FBXO28: variants seen among roughly 807,000 people sequenced by gnomAD.
FBXO28 encodes F-box only protein 28.
In FBXO28, 8 loss-of-function variants were observed where a neutral mutation model predicts 38.1. The observed-to-expected ratio is 0.21, with a 90% CI of 0.12 to 0.38. FBXO28 has a LOEUF of 0.38. FBXO28 is among the 10% of genes least tolerant of loss of function. The pLI is 1.00. For synonymous variants in FBXO28, 168 were observed against 173.8 expected, an observed-to-expected ratio of 0.97 and a Z score of 0.26; for missense variants, 345 against 460.6, an observed-to-expected ratio of 0.75 and a Z score of 2.30.
Position 224,157,862 on chromosome 1 carries a change from CAACTTA to C in FBXO28, c.*122_*127del, listed in dbSNP as rs1558199336. On this transcript the variant is annotated 3_prime_UTR_variant, in exon 5 of 5. Transcript: ENST00000366862. ...CTTAAGCTTCTAGGCTTTCAGAACA[CAACTTA>C]AACTTGAACTCTTATGGTTGGGACA... 5.5e-6 allele frequency: 8 copies of C among 1,448,244 alleles called. No individual in the cohort carries two copies. In the African/African-American group the frequency reaches 7.2e-5, roughly 13 times the overall value. 89.7% of individuals were successfully genotyped at this position (1,448,244 alleles called of 1,614,324 possible).
At chr1:224,146,702 A>ATTTTTTTT (rs5781350) in intron 3 of FBXO28, among the ~76,000 whole-genome samples, 1 of 110,322 alleles carries the variant, frequency 9.1e-6, no homozygotes, top group African/African-American at 3.6e-5. Flanking sequence ...TAAAACTAAA[A>ATTTTTTTT]TTTTTTTTTT....
chr1:224,141,186 C>A (rs1464818406), intron 3 of FBXO28, among the ~76,000 whole-genome samples: 1 of 147,334 alleles, frequency 6.8e-6, no homozygotes, highest in African/African-American at 2.5e-5. Flanking sequence ...AAAAAAGATA[C>A]AATCGGCCGG....
intron 1 of FBXO28, among the ~76,000 whole-genome samples, chr1:224,115,132 G>A (rs746247393): frequency 3.3e-5 from 5 of 152,040 alleles, no homozygotes; most frequent in Non-Finnish European, 7.4e-5. Context: ...CCACCCACCT[G>A]CTTTAGGAGA....
chr1:224,148,760 A>G (rs558756076), intron 3 of FBXO28, among the ~76,000 whole-genome samples: 3 of 152,236 alleles, frequency 2.0e-5, no homozygotes, highest in East Asian at 1.9e-4. Context: ...TTGCTATCCT[A>G]TCACCTATCC....
intron 4 of FBXO28, among the ~76,000 whole-genome samples, chr1:224,156,468 T>A (rs574484034): frequency 7.4e-4 from 112 of 152,310 alleles, no homozygotes; most frequent in African/African-American, 2.4e-3. Flanking sequence ...CAGAAGTGTT[T>A]CAGATTTCGG....
intron 1 of FBXO28, among the ~76,000 whole-genome samples, chr1:224,124,552 A>T (rs982891167): frequency 1.3e-5 from 2 of 152,174 alleles, no homozygotes; most frequent in Non-Finnish European, 2.9e-5. Flanking sequence ...GGAAATTATT[A>T]AAATACTCCT....
chr1:224,115,203 T>G (rs1407171620), intron 1 of FBXO28, among the ~76,000 whole-genome samples: 1 of 152,232 alleles, frequency 6.6e-6, no homozygotes, highest in Non-Finnish European at 1.5e-5. Flanking sequence ...ATAATGAATT[T>G]GCCATTGGGG....
At chr1:224,114,995 A>C (rs771069516) in intron 1 of FBXO28, among the ~76,000 whole-genome samples, 4 of 152,144 alleles carry the variant, frequency 2.6e-5, no homozygotes, top group Non-Finnish European at 4.4e-5. Context: ...TTGACCACTA[A>C]AGTAGAGCCT....
At chr1:224,118,883 A>G (rs990264007) in intron 1 of FBXO28, among the ~76,000 whole-genome samples, 2 of 152,232 alleles carry the variant, frequency 1.3e-5, no homozygotes, top group Non-Finnish European at 2.9e-5. Context: ...AACATATTCC[A>G]TTAGCTGTCA....
At chr1:224,117,108 G>A (rs929025523) in intron 1 of FBXO28, among the ~76,000 whole-genome samples, 1 of 151,846 alleles carries the variant, frequency 6.6e-6, no homozygotes, top group Non-Finnish European at 1.5e-5. Flanking sequence ...GGGAGGCAGG[G>A]GTTGCACAAC....
At chr1:224,135,630 A>AAAAAAGAAAAAGAAAAAG (rs1553290017) in intron 3 of FBXO28, among the ~76,000 whole-genome samples, 1 of 115,786 alleles carries the variant, frequency 8.6e-6, no homozygotes. Context: ...AAAAAAAAAA[A>AAAAAAGAAAAAGAAAAAG]AAAAAGAAAA....
At chr1:224,122,823 T>G (rs890522790) in intron 1 of FBXO28, among the ~76,000 whole-genome samples, 2 of 152,218 alleles carry the variant, frequency 1.3e-5, no homozygotes, top group African/African-American at 4.8e-5. Flanking sequence ...GTTAATGTCC[T>G]TAAAAATCCC....
At chr1:224,142,578 G>A (rs1657386266) in intron 3 of FBXO28, among the ~76,000 whole-genome samples, 1 of 152,120 alleles carries the variant, frequency 6.6e-6, no homozygotes, top group Non-Finnish European at 1.5e-5. Flanking sequence ...CACTTTGGGA[G>A]GCTGAGGTGG....
At chr1:224,147,089 T>C (rs1329902956) in intron 3 of FBXO28, among the ~76,000 whole-genome samples, 3 of 151,910 alleles carry the variant, frequency 2.0e-5, no homozygotes, top group East Asian at 3.9e-4. Flanking sequence ...ATAGAAAATA[T>C]TTAGTGAGAC....
chr1:224,118,890 G>A (rs1656705771), intron 1 of FBXO28, among the ~76,000 whole-genome samples: 1 of 152,134 alleles, frequency 6.6e-6, no homozygotes. Context: ...TCCATTAGCT[G>A]TCAGAACAAT....
intron 1 of FBXO28, among the ~76,000 whole-genome samples, chr1:224,128,802 A>G (rs10753453): frequency 0.93 from 140,639 of 151,948 alleles, 65,960 homozygotes; most frequent in Non-Finnish European, 1. Context: ...CCTGGGCAAC[A>G]TAGACCCCCA....
chr1:224,154,547 G>T (rs1025344133), intron 4 of FBXO28, among the ~76,000 whole-genome samples: 1 of 152,130 alleles, frequency 6.6e-6, no homozygotes, highest in African/African-American at 2.4e-5. Flanking sequence ...GGTGGCTCAT[G>T]CCTGTAATCC....
intron 3 of FBXO28, among the ~76,000 whole-genome samples, chr1:224,147,826 CAAAAAAAAA>C (rs3065995): frequency 1.6e-5 from 2 of 127,866 alleles, no homozygotes; most frequent in African/African-American, 5.7e-5. Flanking sequence ...ATGTAATTTG[CAAAAAAAAA>C]AAAAAAAAAA....
In FBXO28 at chr1:224,159,887, A is replaced by G. The variant is rs551609138; in HGVS notation, c.*2141A>G. 6.6e-6 allele frequency: 1 copy of G among 152,218 alleles called. No individual in the cohort carries two copies. The highest frequency in any genetic ancestry group is 6.5e-5 in the Admixed American group (1 of 15,270). 9.4% of individuals were successfully genotyped at this position (152,218 alleles called of 1,614,324 possible). ...CTAAACATCTATGTAGTCTTCCATT[A>G]GTTAACATGTGTATAGGGCTTTCAT... On this transcript the variant is annotated 3_prime_UTR_variant, in exon 5 of 5. Transcript: ENST00000366862.
Sources: gnomAD v4.1 joint callset for allele counts (sites outside exome capture counted in the v4.1 genomes callset) on GRCh38, gnomAD v4.1.1 for gene constraint, MANE v1.5 for transcripts, NCBI Gene and HGNC (gene_info 2026-07-23, HGNC 2026-07-21) for gene names.